The following SLC15A2 variants were observed in gnomAD, a reference collection of about 807,000 sequenced individuals.
SLC15A2 encodes solute carrier family 15 member 2, also known as kidney H(+)/peptide cotransporter.
A neutral mutation model predicts 95.5 loss-of-function variants in SLC15A2; 77 were observed. The ratio of observed to expected loss-of-function variants is 0.81; its 90% confidence interval spans 0.67 to 0.97. The LOEUF (loss-of-function observed/expected upper bound fraction) is 0.97, where lower values mean the gene tolerates loss of function less well. Among genes scored for constraint, SLC15A2 ranks in the 50% least tolerant of loss-of-function variants. The probability of loss-of-function intolerance (pLI) is 0.00; values close to 1 mark genes in which losing one functional copy is unlikely to be tolerated. For missense variants in SLC15A2, 893 were observed against 874.4 expected (o/e 1.02, Z -0.27); for synonymous variants, 306 against 306.9 (o/e 1.00, Z 0.03).
intron 5 of SLC15A2, 142 bp downstream of exon 5, chr3:121,913,262 C>A: frequency 5.1e-6 from 3 of 590,220 alleles, no homozygotes; most frequent in Non-Finnish European, 9.0e-6. Flanking sequence ...TGGATACTGG[C>A]CATTAATAGT....
chr3:121,917,727 A>G (rs1218021475), intron 7 of SLC15A2, among the ~76,000 whole-genome samples: 9 of 151,982 alleles, frequency 5.9e-5, no homozygotes, highest in Non-Finnish European at 2.9e-5. Context: ...TAAATAAATA[A>G]TACTTTGGGG....
Position 121,923,115 on chromosome 3 carries a change from C to G in SLC15A2, c.943C>G (p.Leu315Val), listed in dbSNP as rs748019407. The G allele has an allele frequency of 1.2e-6, 2 of 1,613,942 alleles. No individual in the cohort carries two copies. The highest frequency in any genetic ancestry group is 2.2e-5 in the South Asian group (2 of 91,064). Residue 315 changes from leucine to valine, a missense_variant, in exon 10 of 22, where the codon CTT becomes GTT. Transcript: ENST00000489711. ...LYIPLPMFWA[L>V]LDQQGSRWTL... is the part of the protein sequence containing the mutation. ...TATCCCATTGCCCATGTTCTGGGCT[C>G]TTTTGGATCAGCAGGTAAGAATAGT...
intron 19 of SLC15A2, among the ~76,000 whole-genome samples, chr3:121,938,771 C>T (rs768572682): frequency 3.3e-5 from 5 of 152,326 alleles, no homozygotes; most frequent in South Asian, 4.1e-4. Flanking sequence ...TGTTCCTATT[C>T]GGCCATCTTG....
In SLC15A2 at chr3:121,930,868, A is replaced by T. The variant is rs1169418061; in HGVS notation, c.1582A>T (p.Asn528Tyr). The T allele has an allele frequency of 2.0e-5, 33 of 1,612,634 alleles. No individual in the cohort carries two copies. The highest frequency in any genetic ancestry group is 2.8e-5 in the Non-Finnish European group (33 of 1,178,642). Residue 528 changes from asparagine to tyrosine, a missense_variant, in exon 18 of 22, where the codon AAC becomes TAC. Asn to Tyr is a moderately radical substitution (Grantham distance 143, BLOSUM62 -2). Transcript: ENST00000489711. ...TGTTAACACTTTGCATAAAGATGTCAACATCTCCCTGAGTACAGATACCTC... is the reference window on the plus strand; with the variant it reads ...TGTTAACACTTTGCATAAAGATGTCTACATCTCCCTGAGTACAGATACCTC... ...RFVNTLHKDV[N>Y]ISLSTDTSLN...
chr3:121,915,820 G>A (rs531527013), intron 7 of SLC15A2, 127 bp downstream of exon 7: 4 of 632,226 alleles, frequency 6.3e-6, no homozygotes, highest in East Asian at 2.7e-5. Context: ...AACTGTTATT[G>A]TAAGGGTTTC....
intron 3 of SLC15A2, among the ~76,000 whole-genome samples, chr3:121,907,517 T>C (rs1352583592): frequency 1.3e-5 from 2 of 152,234 alleles, no homozygotes; most frequent in African/African-American, 4.8e-5. Context: ...TTGATGCTGG[T>C]GACCTACAGA....
Position 121,923,054 on chromosome 3 carries a change from G to A in SLC15A2, c.882G>A (p.Met294Ile). 1 of 1,613,960 alleles carries A rather than the reference G, an allele frequency of 6.2e-7. No individual in the cohort carries two copies. Among genetic ancestry groups the A allele is most frequent in the Non-Finnish European group, 8.5e-7 (1 of 1,179,892 alleles). ...AAEKYPKQLI[M>I]DVKALTRVLF... The stretch of plus-strand genomic sequence containing the variant: ...CCTTTTCGCAGAAGCAGCTCATTAT[G>A]GATGTAAAGGCACTGACCAGGGTAC... Residue 294 changes from methionine (M) to isoleucine (I), a missense_variant, in exon 10 of 22, where the codon ATG becomes ATA. Coordinates refer to ENST00000489711, the MANE Select transcript of SLC15A2 (RefSeq NM_021082.4).
intron 2 of SLC15A2, among the ~76,000 whole-genome samples, chr3:121,896,921 G>A (rs13086454): frequency 0.073 from 9,027 of 124,390 alleles, 363 homozygotes; most frequent in South Asian, 0.17. Flanking sequence ...AAAAAAAAAG[G>A]GGGGGGAGGG....
chr3:121,924,537 A>G (rs1250375799), intron 12 of SLC15A2, among the ~76,000 whole-genome samples, 154 bp downstream of exon 12: 4 of 152,116 alleles, frequency 2.6e-5, no homozygotes, highest in African/African-American at 9.7e-5. Context: ...ATTAAGCCCC[A>G]CCCTTCTCCT....
chr3:121,902,571 C>T (rs1709541260), intron 3 of SLC15A2, among the ~76,000 whole-genome samples: 1 of 152,156 alleles, frequency 6.6e-6, no homozygotes, highest in African/African-American at 2.4e-5. Context: ...CAAGTGTTCT[C>T]ATTGTTCAAT....
At chr3:121,904,371 G>A (rs893550029) in intron 3 of SLC15A2, among the ~76,000 whole-genome samples, 1 of 152,162 alleles carries the variant, frequency 6.6e-6, no homozygotes, top group East Asian at 1.9e-4. Context: ...GCCCTGGCCA[G>A]AACTTCCAAC....
rs549343376 is a variant in SLC15A2 at position 121,917,021 on chromosome 3, C to T, written c.697+1328C>T. On this transcript the variant is annotated intron_variant, in intron 7 of 21. Transcript: ENST00000489711. Reference sequence around the variant, plus strand: ...ATTTTTAGTAGAGACAGGGTTTCACCGTGTTAGCCAGGATGGTCTCGATCT... The same window carrying T: ...ATTTTTAGTAGAGACAGGGTTTCACTGTGTTAGCCAGGATGGTCTCGATCT... Among the ~76,000 whole-genome samples the T allele has an allele frequency of 5.3e-5, 8 of 152,126 alleles. No individual in the cohort carries two copies. The South Asian group carries it at 6.2e-4, about 12-fold the overall frequency.
intron 19 of SLC15A2, among the ~76,000 whole-genome samples, chr3:121,932,592 G>C (rs1352806728): frequency 2.0e-5 from 3 of 152,018 alleles, no homozygotes; most frequent in Admixed American, 1.3e-4. Flanking sequence ...TGTCAATCTT[G>C]ACTTTAATTT....
At chr3:121,895,545 T>A (rs765067629) in intron 1 of SLC15A2, among the ~76,000 whole-genome samples, 3 of 152,184 alleles carry the variant, frequency 2.0e-5, no homozygotes, top group Non-Finnish European at 4.4e-5. Flanking sequence ...CCAAAGAATT[T>A]AGGGCTACTT....
chr3:121,936,333 T>C (rs928267812), intron 19 of SLC15A2, among the ~76,000 whole-genome samples: 4 of 152,192 alleles, frequency 2.6e-5, no homozygotes, highest in Non-Finnish European at 4.4e-5. Flanking sequence ...TGACTTTCTG[T>C]CTCTTTGATC....
intron 7 of SLC15A2, among the ~76,000 whole-genome samples, chr3:121,917,474 A>G (rs975964301): frequency 6.6e-6 from 1 of 152,088 alleles, no homozygotes; most frequent in Non-Finnish European, 1.5e-5. Context: ...GGATTGCGTG[A>G]GCTCAGGAGT....
At chr3:121,938,491 A>G (rs1410439043) in intron 19 of SLC15A2, among the ~76,000 whole-genome samples, 1 of 152,120 alleles carries the variant, frequency 6.6e-6, no homozygotes, top group Non-Finnish European at 1.5e-5. Context: ...AGCCCGTCGG[A>G]AAAGCGCAGT....
intron 2 of SLC15A2, 133 bp from the exon 3 acceptor site, chr3:121,897,255 A>T: frequency 1.0e-6 from 1 of 978,280 alleles, no homozygotes; most frequent in Non-Finnish European, 1.5e-6. Context: ...CTTCTCAGTC[A>T]TGTCACTGAT....
At position 121,940,452 on chromosome 3, in the gene SLC15A2, C is replaced by T. The variant is rs780742792; in HGVS notation, c.1977C>T (p.Ile659=). Residue 659 remains isoleucine (I), a synonymous_variant, in exon 21 of 22, where the codon ATC becomes ATT. Transcript: ENST00000489711. ...TGACAATTGCAGTTGGGAATATCAT[C>T]GTGCTTGTTGTGGCACAGTTCAGTG... is the stretch of plus-strand genomic sequence containing the variant. ...WLLTIAVGNI[I]VLVVAQFSGL... 8 of 1,614,094 alleles carry T rather than the reference C, an allele frequency of 5.0e-6. No individual in the cohort carries two copies. The highest frequency in any genetic ancestry group is 3.3e-4 in the Middle Eastern group (2 of 6,062).
Sources: allele counts gnomAD v4.1 joint callset (sites outside exome capture counted in the v4.1 genomes callset), GRCh38; gene constraint gnomAD v4.1.1; transcripts MANE v1.5; gene names NCBI Gene and HGNC (gene_info 2026-07-23, HGNC 2026-07-21).